Variants in PTCD3 observed in about 807,000 individuals in gnomAD.
PTCD3 encodes small ribosomal subunit protein mS39.
A neutral mutation model predicts 101.9 loss-of-function variants in PTCD3; 89 were observed. The ratio of observed to expected loss-of-function variants is 0.87; its 90% CI spans 0.74 to 1.04. The LOEUF (loss-of-function observed/expected upper bound fraction) is 1.04, where lower values mean the gene tolerates loss of function less well. Among genes scored for constraint, PTCD3 ranks in the 50% least tolerant of loss-of-function variants. PTCD3 has a pLI of 0.00. For missense variants in PTCD3, 870 were observed against 828.2 expected, an observed-to-expected ratio of 1.05 and a Z score of -0.62; for synonymous variants, 296 against 278.5, an observed-to-expected ratio of 1.06 and a Z score of -0.63.
intron 19 of PTCD3, 143 bp downstream of exon 19, chr2:86,133,579 C>G (rs1054981947): frequency 7.1e-6 from 6 of 840,556 alleles, no homozygotes; most frequent in African/African-American, 1.7e-5. Flanking sequence ...ACTTCAAGGT[C>G]ATGTGCTCAT....
intron 8 of PTCD3, among the ~76,000 whole-genome samples, chr2:86,122,637 G>C (rs10193712): frequency 0.041 from 6,274 of 152,130 alleles, 464 homozygotes; most frequent in African/African-American, 0.14. Context: ...GCCCAGGATG[G>C]TGTCTTCAAC....
rs118097993 is a variant in PTCD3 at position 86,116,789 on chromosome 2, G to A, written c.309+191G>A. Reference sequence around the variant, plus strand: ...AATGGGGAAAGGATTTTTGGTTTTGGTTTCTAATACTTAGGGCTTTTTCAC... The same window carrying A: ...AATGGGGAAAGGATTTTTGGTTTTGATTTCTAATACTTAGGGCTTTTTCAC... On this transcript the variant is annotated intron_variant, in intron 5 of 23. Coordinates refer to ENST00000254630, the MANE Select transcript of PTCD3 (RefSeq NM_017952.6). Among the ~76,000 whole-genome samples, 53 of 152,212 alleles carry A rather than the reference G, an allele frequency of 3.5e-4. No homozygotes were observed. In the East Asian group the frequency reaches 7.3e-3, roughly 21 times the overall value.
At chr2:86,117,382 C>A (rs1674194274) in intron 6 of PTCD3, among the ~76,000 whole-genome samples, 1 of 151,968 alleles carries the variant, frequency 6.6e-6, no homozygotes, top group Non-Finnish European at 1.5e-5. Context: ...TTTTGTGACA[C>A]CATGCTCTTA....
intron 1 of PTCD3, chr2:86,107,062 G>C: frequency 2.2e-6 from 1 of 459,712 alleles, no homozygotes. Flanking sequence ...AAAAGTTTGT[G>C]AGGTATAAGT....
chr2:86,119,019 C>T lies in PTCD3; in HGVS notation c.513C>T (p.Asp171=). The T allele has an allele frequency of 1.2e-6, 2 of 1,613,844 alleles. No homozygotes were observed. The highest frequency in any genetic ancestry group is 1.7e-6 in the Non-Finnish European group (2 of 1,179,962). The change falls in exon 7 of 24, where the codon GAC becomes GAT. Residue 171 remains aspartate (D), a synonymous_variant. Coordinates refer to ENST00000254630, the MANE Select transcript of PTCD3 (RefSeq NM_017952.6). ...TCAGAAAAGTCAAAGCCTCTGTGGA[C>T]ATGTTTGATCAGCTTTTGCAAGCAG... ...IELRKVKASV[D]MFDQLLQAGT... is the part of the protein sequence containing the mutation.
rs1343042844 is a variant in PTCD3 at position 86,132,441 on chromosome 2, CAT to C, written c.1373+20_1373+21del. 5.2e-6 allele frequency: 8 copies of C among 1,529,574 alleles called. No homozygotes were observed. Among genetic ancestry groups the C allele is most frequent in the Non-Finnish European group, 6.3e-6 (7 of 1,106,582 alleles). 94.8% of individuals were successfully genotyped at this position (1,529,574 alleles called of 1,614,324 possible). A position where few individuals can be genotyped will look rare whatever the true frequency, so the allele number is the denominator to read the frequency against. On this transcript the variant is annotated intron_variant, in intron 17 of 23. Transcript: ENST00000254630. ...TTTCTATTAGTAAGTGTGTTGGAAA[CAT>C]ATCCTTTTGCATGAGTTACCAGATT... is the stretch of plus-strand genomic sequence containing the variant.
intron 6 of PTCD3, among the ~76,000 whole-genome samples, chr2:86,118,155 T>G (rs907693743): frequency 2.6e-5 from 4 of 152,238 alleles, no homozygotes; most frequent in African/African-American, 9.6e-5. Flanking sequence ...CTCTTCTGTT[T>G]CAGTGACGCT....
intron 17 of PTCD3, 49 bp from the exon 18 acceptor site, chr2:86,133,129 G>A: frequency 6.3e-7 from 1 of 1,585,600 alleles, no homozygotes. Context: ...TTCCCCTGTT[G>A]TTAGACATAG....
rs34118664 is a variant in PTCD3 at position 86,123,714 on chromosome 2, A to G, written c.668A>G (p.Asp223Gly). 2.6e-4 allele frequency: 410 copies of G among 1,595,212 alleles called. 1 individual carries two copies. In the African/African-American group the frequency reaches 4.7e-3, roughly 18 times the overall value. ...TATTCATTTCAGGAAGAGGAAAATGATGAGACATCTAGGAGGAAAGCTGGT... is the reference window on the plus strand; with the variant it reads ...TATTCATTTCAGGAAGAGGAAAATGGTGAGACATCTAGGAGGAAAGCTGGT... ...GQSEALEEEN[D>G]ETSRRKAGHQ... The change falls in exon 9 of 24, where the codon GAT becomes GGT. Residue 223 changes from aspartate (D) to glycine (G), a missense_variant. By Grantham distance (94) the Asp-to-Gly change is moderately conservative. Transcript: ENST00000254630.
rs1227022993 is a variant in PTCD3 at position 86,125,822 on chromosome 2, T to C, written c.893T>C (p.Ile298Thr). ...HADVYTFNALIEATVCAINEK... is the reference protein window; with the variant it reads ...HADVYTFNALTEATVCAINEK... Reference sequence around the variant, plus strand: ...GATGTATACACATTTAATGCATTGATTGAAGCAACAGTATGTGCGATAAAT... The same window carrying C: ...GATGTATACACATTTAATGCATTGACTGAAGCAACAGTATGTGCGATAAAT... The change falls in exon 12 of 24, where the codon ATT (isoleucine) becomes ACT (threonine). Residue 298 changes from isoleucine (I) to threonine (T), a missense_variant. By Grantham distance (89) the Ile-to-Thr change is moderately conservative. Transcript: ENST00000254630. 3 of 1,609,374 alleles carry C rather than the reference T, an allele frequency of 1.9e-6. No homozygotes were observed. Among genetic ancestry groups the C allele is most frequent in the African/African-American group, 2.7e-5 (2 of 74,826 alleles).
intron 8 of PTCD3, among the ~76,000 whole-genome samples, chr2:86,123,219 G>A (rs1479005004): frequency 6.7e-6 from 1 of 150,010 alleles, no homozygotes; most frequent in Non-Finnish European, 1.5e-5. Context: ...CCAAGACCAC[G>A]CCACTGCATT....
intron 4 of PTCD3, among the ~76,000 whole-genome samples, chr2:86,115,002 A>G (rs543052822): frequency 5.9e-5 from 9 of 152,306 alleles, no homozygotes; most frequent in African/African-American, 2.2e-4. Flanking sequence ...GAGGCTGGCC[A>G]TGTAGACCAC....
chr2:86,130,391 A>T (rs945504641), intron 14 of PTCD3, among the ~76,000 whole-genome samples: 5 of 152,220 alleles, frequency 3.3e-5, no homozygotes, highest in African/African-American at 4.8e-5. Context: ...GTCAGGCTTC[A>T]TGTGAAGAGA....
At chr2:86,119,360 C>CTTT (rs70953987) in intron 7 of PTCD3, among the ~76,000 whole-genome samples, 1 of 141,264 alleles carries the variant, frequency 7.1e-6, no homozygotes, top group African/African-American at 2.6e-5. Context: ...TACCCTTTTC[C>CTTT]TTTTTTTTTT....
chr2:86,127,944 C>T lies in PTCD3; in HGVS notation c.1100C>T (p.Pro367Leu). The T allele has an allele frequency of 6.2e-7, 1 of 1,609,246 alleles. No individual in the cohort carries two copies. The highest frequency in any genetic ancestry group is 8.5e-7 in the Non-Finnish European group (1 of 1,175,844). Residue 367 changes from proline (P) to leucine (L), a missense_variant, in exon 14 of 24, where the codon CCC becomes CTC. Physicochemically the swap from Pro to Leu is moderately conservative, Grantham distance 98 (BLOSUM62 -3). Coordinates refer to ENST00000254630, the MANE Select transcript of PTCD3 (RefSeq NM_017952.6). ...TCTGTCTACCTGGTAATTTGAGAAC[C>T]CTCGCTTGCAACATATCACCATATT... is the stretch of plus-strand genomic sequence containing the variant. Reference protein sequence around the residue: ...LREMKAIGIEPSLATYHHIIR... With the variant: ...LREMKAIGIELSLATYHHIIR...
At chr2:86,129,767 C>T (rs2104459128) in intron 14 of PTCD3, among the ~76,000 whole-genome samples, 1 of 152,226 alleles carries the variant, frequency 6.6e-6, no homozygotes. Flanking sequence ...GGGAAGCATG[C>T]TTGAGTAAAT....
rs267599490 is a variant in PTCD3, at chr2:86,123,723, C to T, written c.677C>T (p.Ser226Phe). 2.5e-6 allele frequency: 4 copies of T among 1,597,178 alleles called. No homozygotes were observed. The East Asian group carries it at 9.0e-5, about 36-fold the overall frequency. The stretch of plus-strand genomic sequence containing the variant: ...CAGGAAGAGGAAAATGATGAGACAT[C>T]TAGGAGGAAAGCTGGTCATCAGTTT... ...EALEEENDET[S>F]RRKAGHQFGV... The change falls in exon 9 of 24, where the codon TCT becomes TTT. Residue 226 changes from serine to phenylalanine, a missense_variant. Physicochemically the swap from Ser to Phe is radical, Grantham distance 155. Transcript: ENST00000254630.
In PTCD3 at chr2:86,111,020, G is replaced by A. The variant is rs1674070413; in HGVS notation, c.195-93G>A. On this transcript the variant is annotated intron_variant, in intron 3 of 23. Coordinates refer to ENST00000254630, the MANE Select transcript of PTCD3 (RefSeq NM_017952.6). ...CAGCTTCAGATGAGATCTGCACTAT[G>A]TTATTGGCCAGTACACTGAGAGTAG... 7 of 1,143,568 alleles carry A rather than the reference G, an allele frequency of 6.1e-6. No homozygotes were observed. The South Asian group carries it at 8.6e-5, about 14-fold the overall frequency. 70.8% of individuals were successfully genotyped at this position (1,143,568 alleles called of 1,614,324 possible). A position where few individuals can be genotyped will look rare whatever the true frequency, so the allele number is the denominator to read the frequency against.
At chr2:86,108,897 C>A in intron 3 of PTCD3, 1 of 199,790 alleles carries the variant, frequency 5.0e-6, no homozygotes, top group Non-Finnish European at 1.0e-5. Context: ...TTTATTATCT[C>A]TAATGAGGTA....
Sources: gnomAD v4.1 joint callset for allele counts (sites outside exome capture counted in the v4.1 genomes callset) on GRCh38, gnomAD v4.1.1 for gene constraint, MANE v1.5 for transcripts, NCBI Gene and HGNC (gene_info 2026-07-23, HGNC 2026-07-21) for gene names.